PABPC4L: variants seen among roughly 807,000 people sequenced by gnomAD.
PABPC4L encodes poly(A) binding protein cytoplasmic 4 like.
For missense variants in PABPC4L, 452 were observed against 451.4 expected (o/e 1.00, Z -0.01); for synonymous variants, 169 against 164.1 (o/e 1.03, Z -0.23).
the PABPC4L span, chr4:133,978,856 C>A: frequency 6.6e-6 from 1 of 152,016 alleles, no homozygotes; most frequent in Non-Finnish European, 1.5e-5. Context: ...TCATTCTTTG[C>A]AGATAATAAA....
the PABPC4L span, among the ~76,000 whole-genome samples, chr4:134,178,695 A>G: frequency 6.6e-6 from 1 of 152,184 alleles, no homozygotes; most frequent in African/African-American, 2.4e-5. Context: ...ATTATAAGAA[A>G]GTACTAAACA....
the PABPC4L span, among the ~76,000 whole-genome samples, chr4:134,043,754 G>C: frequency 6.6e-6 from 1 of 152,092 alleles, no homozygotes; most frequent in Admixed American, 6.6e-5. Context: ...CACTATTGCT[G>C]TGTGTGGAAA....
chr4:134,085,194 G>A, the PABPC4L span, among the ~76,000 whole-genome samples: 2 of 152,032 alleles, frequency 1.3e-5, no homozygotes, highest in Non-Finnish European at 2.9e-5. Flanking sequence ...CTTGAAAGTG[G>A]GGTTTCCCAG....
At chr4:133,960,962 T>C in the PABPC4L span, among the ~76,000 whole-genome samples, 1 of 152,046 alleles carries the variant, frequency 6.6e-6, no homozygotes, top group Non-Finnish European at 1.5e-5. Context: ...CCTGACCTGA[T>C]GGTCTTTCCC....
chr4:134,003,439 G>A, the PABPC4L span, among the ~76,000 whole-genome samples: 1 of 151,760 alleles, frequency 6.6e-6, no homozygotes, highest in African/African-American at 2.4e-5. Context: ...TCCAAAGGCA[G>A]GGCTTTTGTC....
the PABPC4L span, among the ~76,000 whole-genome samples, chr4:133,966,838 T>C: frequency 1.3e-5 from 2 of 151,996 alleles, no homozygotes; most frequent in Non-Finnish European, 2.9e-5. Context: ...GAATAAAAAA[T>C]AAACTGCAAT....
At chr4:133,985,520 A>G in the PABPC4L span, among the ~76,000 whole-genome samples, 1 of 152,010 alleles carries the variant, frequency 6.6e-6, no homozygotes, top group African/African-American at 2.4e-5. Context: ...TCTCATATTC[A>G]TAATTTTTAG....
the PABPC4L span, chr4:133,978,951 A>G: frequency 6.6e-6 from 1 of 152,318 alleles, no homozygotes; most frequent in Non-Finnish European, 1.5e-5. Context: ...CCAGCAGCAA[A>G]CATTCATATA....
chr4:134,141,046 G>T, the PABPC4L span, among the ~76,000 whole-genome samples: 4 of 151,642 alleles, frequency 2.6e-5, no homozygotes, highest in African/African-American at 9.7e-5. Flanking sequence ...TCATGAGGAA[G>T]AAAACTAGAA....
At chr4:134,172,195 AC>A in the PABPC4L span, among the ~76,000 whole-genome samples, 1 of 152,104 alleles carries the variant, frequency 6.6e-6, no homozygotes, top group African/African-American at 2.4e-5. Flanking sequence ...ACCAAAAAAA[AC>A]TCACATAGCC....
At chr4:134,192,219 A>T (rs918095711), downstream of PABPC4L, among the ~76,000 whole-genome samples, 1 of 152,182 alleles carries the variant, frequency 6.6e-6, no homozygotes, top group Non-Finnish European at 1.5e-5. Flanking sequence ...ACATGCTCCA[A>T]CATGGATGAA....
chr4:134,036,198 A>G, the PABPC4L span, among the ~76,000 whole-genome samples: 1 of 152,144 alleles, frequency 6.6e-6, no homozygotes, highest in Non-Finnish European at 1.5e-5. Context: ...TCAGTAAACA[A>G]GAGAATTTTG....
the PABPC4L span, among the ~76,000 whole-genome samples, chr4:134,171,955 A>G: frequency 6.6e-6 from 1 of 152,108 alleles, no homozygotes; most frequent in Non-Finnish European, 1.5e-5. Context: ...GAATACACCT[A>G]ACAGGGGCAT....
the PABPC4L span, among the ~76,000 whole-genome samples, chr4:134,151,200 G>A: frequency 0.21 from 31,782 of 152,038 alleles, 4,122 homozygotes; most frequent in Non-Finnish European, 0.27. Flanking sequence ...TTCTTGACCT[G>A]TTTGTGATTA....
the PABPC4L span, among the ~76,000 whole-genome samples, chr4:134,156,899 A>G: frequency 6.6e-6 from 1 of 151,902 alleles, no homozygotes; most frequent in Non-Finnish European, 1.5e-5. Context: ...ACTAATGTAA[A>G]ACAGTGCTGA....
the PABPC4L span, among the ~76,000 whole-genome samples, chr4:134,127,176 C>T: frequency 1.3e-5 from 2 of 151,984 alleles, no homozygotes; most frequent in South Asian, 2.1e-4. Flanking sequence ...CCTGCCCCCA[C>T]CTGAGGGTCT....
the PABPC4L span, among the ~76,000 whole-genome samples, chr4:134,087,982 C>T: frequency 4.3e-4 from 65 of 152,110 alleles, no homozygotes; most frequent in Admixed American, 1.1e-3. Flanking sequence ...ATTATACTAC[C>T]TGAGGAAGTG....
At chr4:133,955,954 A>T in the PABPC4L span, among the ~76,000 whole-genome samples, 1 of 152,132 alleles carries the variant, frequency 6.6e-6, no homozygotes, top group Non-Finnish European at 1.5e-5. Flanking sequence ...GCTAAAGAAG[A>T]GTCAATAAAT....
chr4:134,148,488 A>G, the PABPC4L span, among the ~76,000 whole-genome samples: 12 of 152,028 alleles, frequency 7.9e-5, no homozygotes, highest in Non-Finnish European at 1.5e-4. Flanking sequence ...TACTGCTCCT[A>G]TCAGATTTCC....
Sources: gnomAD v4.1 joint callset for allele counts (sites outside exome capture counted in the v4.1 genomes callset) on GRCh38, gnomAD v4.1.1 for gene constraint, MANE v1.5 for transcripts, NCBI Gene and HGNC (gene_info 2026-07-23, HGNC 2026-07-21) for gene names.